The following SHISA6 variants were observed in gnomAD, a reference collection of about 807,000 sequenced individuals.
SHISA6 encodes shisa family member 6.
Under a neutral mutation model 47.9 loss-of-function variants are expected in SHISA6, and 22 were observed. The observed-to-expected ratio is 0.46, with a 90% CI of 0.33 to 0.66. The LOEUF is 0.66. SHISA6 is among the 30% of genes least tolerant of loss of function. The probability of loss-of-function intolerance (pLI) is 0.02; values close to 1 mark genes in which losing one functional copy is unlikely to be tolerated. For missense variants in SHISA6, 680 were observed against 764.6 expected, an observed-to-expected ratio of 0.89 and a Z score of 1.30; for synonymous variants, 388 against 337.8, an observed-to-expected ratio of 1.15 and a Z score of -1.63.
intron 3 of SHISA6, among the ~76,000 whole-genome samples, chr17:11,519,207 C>T (rs1035207309): frequency 6.6e-6 from 1 of 152,162 alleles, no homozygotes; most frequent in East Asian, 1.9e-4. Context: ...TACACAAACA[C>T]TATTCACAAT....
At chr17:11,400,038 G>A (rs1355569864) in intron 3 of SHISA6, among the ~76,000 whole-genome samples, 2 of 152,066 alleles carry the variant, frequency 1.3e-5, no homozygotes, top group East Asian at 1.9e-4. Context: ...TGTACCTTCT[G>A]TATCTTCTTT....
At position 11,495,200 on chromosome 17, in the gene SHISA6, C is replaced by T. The variant is rs2071398452; in HGVS notation, c.896-56696C>T. The stretch of plus-strand genomic sequence containing the variant: ...AACTCTTTGGTGTCTATTCATCAAA[C>T]AGCCTGAGCCCTAGAGTTGGAGAGA... On this transcript the variant is annotated intron_variant, in intron 3 of 5. Coordinates refer to ENST00000441885, the MANE Select transcript of SHISA6 (RefSeq NM_207386.4). 1.3e-5 allele frequency among the ~76,000 whole-genome samples: 2 copies of T among 152,196 alleles called. 1 individual carries two copies. Among genetic ancestry groups the T allele is most frequent in the South Asian group, 4.1e-4 (2 of 4,826 alleles).
chr17:11,332,522 C>T (rs1014360703), intron 2 of SHISA6, among the ~76,000 whole-genome samples: 2 of 152,200 alleles, frequency 1.3e-5, no homozygotes, highest in South Asian at 2.1e-4. Context: ...ATAAACACAC[C>T]GCTGATGTGT....
At chr17:11,444,124 G>T (rs1279720218) in intron 3 of SHISA6, among the ~76,000 whole-genome samples, 2 of 152,124 alleles carry the variant, frequency 1.3e-5, no homozygotes, top group Non-Finnish European at 2.9e-5. Context: ...TTGGAGACCA[G>T]CCTGGCCAAC....
At chr17:11,253,549 G>A (rs549330679) in intron 1 of SHISA6, among the ~76,000 whole-genome samples, 11 of 152,032 alleles carry the variant, frequency 7.2e-5, no homozygotes, top group Admixed American at 1.3e-4. Flanking sequence ...ATCCTGCATT[G>A]GCCCGGGAAG....
chr17:11,274,931 A>G (rs1908827823), intron 2 of SHISA6, among the ~76,000 whole-genome samples: 2 of 152,012 alleles, frequency 1.3e-5, no homozygotes, highest in Admixed American at 6.6e-5. Flanking sequence ...AGTGGAGGGT[A>G]CTCCTGGAGG....
chr17:11,538,516 T>C (rs544664602), intron 3 of SHISA6, among the ~76,000 whole-genome samples: 3 of 152,242 alleles, frequency 2.0e-5, no homozygotes, highest in Admixed American at 6.5e-5. Context: ...CCCTGGCATG[T>C]TGAGTGAAAT....
chr17:11,388,341 C>A (rs978189593), intron 3 of SHISA6, among the ~76,000 whole-genome samples: 1 of 152,050 alleles, frequency 6.6e-6, no homozygotes, highest in Non-Finnish European at 1.5e-5. Flanking sequence ...CACCTGGGAG[C>A]CGTCTTTCTT....
chr17:11,416,891 C>T (rs1382084207), intron 3 of SHISA6, among the ~76,000 whole-genome samples: 1 of 152,082 alleles, frequency 6.6e-6, no homozygotes, highest in Non-Finnish European at 1.5e-5. Flanking sequence ...TAAGTATTCA[C>T]TATGCAAACA....
intron 3 of SHISA6, among the ~76,000 whole-genome samples, chr17:11,428,779 C>CTTT (rs34920362): frequency 9.6e-4 from 92 of 95,996 alleles, no homozygotes; most frequent in Middle Eastern, 7.1e-3. Flanking sequence ...GATCCACTTT[C>CTTT]TTTTTTTTTT....
intron 3 of SHISA6, among the ~76,000 whole-genome samples, chr17:11,543,435 A>G (rs1350439224): frequency 6.6e-6 from 1 of 152,190 alleles, no homozygotes; most frequent in African/African-American, 2.4e-5. Flanking sequence ...CAATTTTTAA[A>G]GTATAAATGT....
intron 3 of SHISA6, among the ~76,000 whole-genome samples, chr17:11,482,337 A>G (rs1260285896): frequency 6.6e-6 from 1 of 152,240 alleles, no homozygotes; most frequent in Admixed American, 6.5e-5. Context: ...TACATTTGCC[A>G]TGTTCTCCGT....
intron 3 of SHISA6, among the ~76,000 whole-genome samples, chr17:11,402,726 T>A (rs4293419): frequency 6.6e-6 from 1 of 151,858 alleles, no homozygotes; most frequent in Non-Finnish European, 1.5e-5. Context: ...ACATATTCTT[T>A]CATGCACTGG....
At chr17:11,268,800 T>G (rs73293753) in intron 2 of SHISA6, among the ~76,000 whole-genome samples, 1,741 of 152,290 alleles carry the variant, frequency 0.011, 50 homozygotes, top group African/African-American at 0.04. Context: ...AAGAGCTGTT[T>G]GTTCAGGGAA....
intron 3 of SHISA6, among the ~76,000 whole-genome samples, chr17:11,403,923 C>CTT (rs1913860328): frequency 1.3e-5 from 2 of 152,210 alleles, no homozygotes; most frequent in African/African-American, 4.8e-5. Flanking sequence ...AACACAGTTG[C>CTT]TTGGATGCCC....
intron 2 of SHISA6, among the ~76,000 whole-genome samples, chr17:11,287,757 G>GGGGA (rs1166353687): frequency 6.7e-6 from 1 of 149,304 alleles, no homozygotes; most frequent in Non-Finnish European, 1.5e-5. Context: ...GAAGGGAAGT[G>GGGGA]GGGAGGGAAG....
chr17:11,384,572 C>T (rs1178445242), intron 3 of SHISA6, among the ~76,000 whole-genome samples: 2 of 152,086 alleles, frequency 1.3e-5, no homozygotes, highest in East Asian at 1.9e-4. Context: ...TTCCAGAACC[C>T]CCACATTTCA....
At chr17:11,346,397 A>G (rs1462352002) in intron 2 of SHISA6, among the ~76,000 whole-genome samples, 1 of 152,198 alleles carries the variant, frequency 6.6e-6, no homozygotes, top group East Asian at 1.9e-4. Flanking sequence ...ATCTGTAGTT[A>G]TAAGTGTCTA....
intron 3 of SHISA6, among the ~76,000 whole-genome samples, chr17:11,431,470 C>A (rs1050594344): frequency 1.3e-5 from 2 of 152,156 alleles, no homozygotes; most frequent in Non-Finnish European, 2.9e-5. Flanking sequence ...AACTGCATAC[C>A]GAATCTAGCT....
Sources: gnomAD v4.1 joint callset for allele counts (sites outside exome capture counted in the v4.1 genomes callset) on GRCh38, gnomAD v4.1.1 for gene constraint, MANE v1.5 for transcripts, NCBI Gene and HGNC (gene_info 2026-07-23, HGNC 2026-07-21) for gene names.